Variants in ELP4 observed in about 807,000 individuals in gnomAD.
ELP4 encodes elongator acetyltransferase complex subunit 4, also known as elongator complex protein 4.
In ELP4, 51 loss-of-function variants were observed where a neutral mutation model predicts 48.9. The ratio of observed to expected loss-of-function variants is 1.04; its 90% CI spans 0.83 to 1.32. ELP4 has a LOEUF of 1.32. ELP4 is among the 40% of genes most tolerant of loss of function. ELP4 has a pLI of 0.00. For missense variants in ELP4, 519 were observed against 514.6 expected, an observed-to-expected ratio of 1.01 and a Z score of -0.08; for synonymous variants, 210 against 189.2, an observed-to-expected ratio of 1.11 and a Z score of -0.90.
intron 3 of ELP4, among the ~76,000 whole-genome samples, chr11:31,548,347 A>G (rs1217656195): frequency 6.6e-6 from 1 of 151,632 alleles, no homozygotes; most frequent in Admixed American, 6.6e-5. Flanking sequence ...AATAACAGAC[A>G]AACAGAGAGC....
At chr11:31,734,439 A>T (rs570687675) in intron 9 of ELP4, among the ~76,000 whole-genome samples, 2 of 152,208 alleles carry the variant, frequency 1.3e-5, no homozygotes, top group African/African-American at 4.8e-5. Context: ...GTTTAAGATG[A>T]CATCTTATAT....
chr11:31,518,844 C>T (rs1367084009), intron 1 of ELP4, among the ~76,000 whole-genome samples: 2 of 143,106 alleles, frequency 1.4e-5, no homozygotes, highest in African/African-American at 2.7e-5. Flanking sequence ...TGCAGTGAGC[C>T]GAGATTGTGC....
rs547604942 is a variant in ELP4, at chr11:31,548,266, G to A, written c.381+8483G>A. On this transcript the variant is annotated intron_variant, in intron 3 of 9. Coordinates refer to ENST00000640961, the MANE Select transcript of ELP4 (RefSeq NM_019040.5). ...TGTCTCAGCCCAAAATCTCCTTAGC[G>A]GATAAGCAACTTCAGCAAAGTCTCA... Among the ~76,000 whole-genome samples the A allele has an allele frequency of 2.2e-4, 33 of 152,154 alleles. 1 individual carries two copies. In the South Asian group the frequency reaches 3.1e-3, roughly 14 times the overall value.
intron 2 of ELP4, among the ~76,000 whole-genome samples, chr11:31,535,293 T>C (rs1956481721): frequency 6.6e-6 from 1 of 152,174 alleles, no homozygotes; most frequent in Admixed American, 6.5e-5. Context: ...TAAATAAATG[T>C]TATTGAATTT....
intron 9 of ELP4, among the ~76,000 whole-genome samples, chr11:31,675,532 AT>A (rs1945905150): frequency 1.3e-5 from 2 of 152,124 alleles, no homozygotes; most frequent in African/African-American, 4.8e-5. Context: ...AAGTGCTGGG[AT>A]TACAGGTGTG....
At chr11:31,603,554 C>T (rs1189416365) in intron 4 of ELP4, among the ~76,000 whole-genome samples, 1 of 151,468 alleles carries the variant, frequency 6.6e-6, no homozygotes, top group African/African-American at 2.4e-5. Flanking sequence ...AGTGAAGAAA[C>T]ATGAAAGATA....
At chr11:31,741,731 C>G (rs1231670855) in intron 9 of ELP4, among the ~76,000 whole-genome samples, 2 of 152,120 alleles carry the variant, frequency 1.3e-5, no homozygotes, top group African/African-American at 4.8e-5. Flanking sequence ...ACATCAACAC[C>G]AAAAACCCAT....
At chr11:31,690,998 A>G (rs1946268063) in intron 9 of ELP4, among the ~76,000 whole-genome samples, 1 of 152,036 alleles carries the variant, frequency 6.6e-6, no homozygotes, top group African/African-American at 2.4e-5. Context: ...TTTGGCATTT[A>G]ATATAGCTCA....
At chr11:31,522,000 C>T (rs902549478) in intron 2 of ELP4, among the ~76,000 whole-genome samples, 1 of 152,018 alleles carries the variant, frequency 6.6e-6, no homozygotes, top group African/African-American at 2.4e-5. Context: ...GGAAATTTGC[C>T]TAGAGTTTAG....
At position 31,786,908 on chromosome 11, in the gene ELP4, G is replaced by A. The variant is rs1384475827; in HGVS notation, c.*3384G>A. 13 of 219,376 alleles carry A rather than the reference G, an allele frequency of 5.9e-5. No homozygotes were observed. The highest frequency in any genetic ancestry group is 3.5e-4 in the Admixed American group (6 of 17,268). 13.6% of individuals were successfully genotyped at this position (219,376 alleles called of 1,614,324 possible). A position where few individuals can be genotyped will look rare whatever the true frequency, so the allele number is the denominator to read the frequency against. On this transcript the variant is annotated 3_prime_UTR_variant, in exon 10 of 10. Transcript: ENST00000640961. ...TCAAGTTTGGAGAAAAAATTTAGAC[G>A]TTTAGTCCTGGGATTCTACTGAAGT...
At chr11:31,512,038 A>G (rs1409796108) in intron 1 of ELP4, 2 of 152,228 alleles carry the variant, frequency 1.3e-5, no homozygotes, top group Admixed American at 6.5e-5. Context: ...AAAAATAAAT[A>G]TGTCCAGAAG....
chr11:31,537,281 A>C (rs2133902578), intron 2 of ELP4, among the ~76,000 whole-genome samples: 1 of 152,336 alleles, frequency 6.6e-6, no homozygotes, highest in East Asian at 1.9e-4. Context: ...TGTTACAAAA[A>C]AAATTATTTC....
rs1212878585 is a variant in ELP4, at chr11:31,755,639, C to A, written c.1144-27754C>A. Among the ~76,000 whole-genome samples, 43 of 144,092 alleles carry A rather than the reference C, an allele frequency of 3.0e-4. No individual in the cohort carries two copies. The Admixed American group carries it at 3.1e-3, about 10-fold the overall frequency. The allele number at this position is 144,092 out of a possible 152,430, so 94.5% of individuals were successfully genotyped here. ...ACTCTTTAGAGGTATCAAAGTCATA[C>A]ATAAAAGATGAGGAAAAATTGAGGA... On this transcript the variant is annotated intron_variant, in intron 9 of 9. Coordinates refer to ENST00000640961, the MANE Select transcript of ELP4 (RefSeq NM_019040.5).
intron 3 of ELP4, among the ~76,000 whole-genome samples, chr11:31,582,951 C>T (rs1323150152): frequency 2.0e-5 from 3 of 152,246 alleles, no homozygotes; most frequent in Admixed American, 2.0e-4. Flanking sequence ...TATATGAAGA[C>T]TTTCAAGAAA....
chr11:31,662,220 G>A (rs1321605718), intron 9 of ELP4, among the ~76,000 whole-genome samples: 2 of 152,054 alleles, frequency 1.3e-5, no homozygotes, highest in African/African-American at 4.8e-5. Flanking sequence ...AAAAGTACAT[G>A]TAAAGATATT....
intron 3 of ELP4, among the ~76,000 whole-genome samples, chr11:31,544,851 C>T (rs528197761): frequency 6.6e-6 from 1 of 152,164 alleles, no homozygotes; most frequent in Non-Finnish European, 1.5e-5. Context: ...TCACGAAAAA[C>T]CACTGTTCTG....
chr11:31,622,811 A>G (rs1207674028), intron 5 of ELP4, among the ~76,000 whole-genome samples: 2 of 151,640 alleles, frequency 1.3e-5, no homozygotes, highest in Non-Finnish European at 3.0e-5. Context: ...ATCCATGTTT[A>G]TATATTAGTA....
chr11:31,628,632 A>G (rs1165517371), intron 6 of ELP4, among the ~76,000 whole-genome samples: 2 of 152,100 alleles, frequency 1.3e-5, no homozygotes, highest in Admixed American at 1.3e-4. Context: ...GGCTTTCTGA[A>G]CCAGAGATTC....
In ELP4 at chr11:31,596,879, T is replaced by G. The variant is rs1382626693; in HGVS notation, c.513+1978T>G. 2.0e-5 allele frequency among the ~76,000 whole-genome samples: 3 copies of G among 152,148 alleles called. 1 individual carries two copies. The East Asian group carries it at 5.8e-4, about 29-fold the overall frequency. On this transcript the variant is annotated intron_variant, in intron 4 of 9. Coordinates refer to ENST00000640961, the MANE Select transcript of ELP4 (RefSeq NM_019040.5). ...AATATGAAAAGGAAATGTAAGTGAC[T>G]CTTAAACATACAAAACATATGCCCA...
Sources: allele counts gnomAD v4.1 joint callset (sites outside exome capture counted in the v4.1 genomes callset), GRCh38; gene constraint gnomAD v4.1.1; transcripts MANE v1.5; gene names NCBI Gene and HGNC (gene_info 2026-07-23, HGNC 2026-07-21).